Variants in KCNT2 observed in about 807,000 individuals in gnomAD.
KCNT2 encodes the protein potassium channel subfamily T member 2.
KCNT2 carries 67 observed loss-of-function variants against 153.8 expected under a neutral mutation model. That is an observed-to-expected ratio of 0.44 (90% CI 0.36 to 0.53). The LOEUF (loss-of-function observed/expected upper bound fraction) is 0.53, where lower values mean the gene tolerates loss of function less well. KCNT2 is among the 20% of genes least tolerant of loss of function. KCNT2 has a pLI of 0.00. For missense variants in KCNT2, 975 were observed against 1,354.8 expected (o/e 0.72, Z 4.40); for synonymous variants, 500 against 458.8 (o/e 1.09, Z -1.15).
chr1:196,301,398 G>GT (rs1417850144), intron 22 of KCNT2, among the ~76,000 whole-genome samples: 1 of 152,048 alleles, frequency 6.6e-6, no homozygotes, highest in Non-Finnish European at 1.5e-5. Flanking sequence ...CCTTTTGTGA[G>GT]TTTCAGCAAA....
chr1:196,581,367 T>TA (rs1159412018), intron 1 of KCNT2, among the ~76,000 whole-genome samples: 3 of 152,022 alleles, frequency 2.0e-5, no homozygotes. Context: ...ACCAGTTTAG[T>TA]AAAAAAAGTT....
At chr1:196,233,570 A>G (rs1435949866) in intron 27 of KCNT2, among the ~76,000 whole-genome samples, 1 of 151,490 alleles carries the variant, frequency 6.6e-6, no homozygotes, top group Admixed American at 6.6e-5. Context: ...ACAGAAAACT[A>G]GCTTATCTTC....
intron 13 of KCNT2, among the ~76,000 whole-genome samples, chr1:196,388,797 T>G (rs1670228155): frequency 6.6e-6 from 1 of 151,782 alleles, no homozygotes. Context: ...TTCATTACCA[T>G]TTTTAAAGAA....
intron 8 of KCNT2, among the ~76,000 whole-genome samples, chr1:196,457,142 AT>A (rs1370388506): frequency 6.6e-6 from 1 of 151,878 alleles, no homozygotes; most frequent in African/African-American, 2.4e-5. Context: ...GATAAAACTG[AT>A]TTAAAAGGAG....
chr1:196,460,231 A>T (rs917026398), intron 8 of KCNT2, among the ~76,000 whole-genome samples: 5 of 151,802 alleles, frequency 3.3e-5, no homozygotes, highest in Non-Finnish European at 7.4e-5. Flanking sequence ...AAGTTGCAAA[A>T]GTTTTACTAC....
At chr1:196,506,739 A>C (rs1218083174) in intron 1 of KCNT2, among the ~76,000 whole-genome samples, 1 of 152,162 alleles carries the variant, frequency 6.6e-6, no homozygotes, top group Non-Finnish European at 1.5e-5. Context: ...CTTACTCACT[A>C]AGTGAAGACA....
At chr1:196,517,769 G>A (rs1048126555) in intron 1 of KCNT2, among the ~76,000 whole-genome samples, 1 of 152,196 alleles carries the variant, frequency 6.6e-6, no homozygotes, top group Non-Finnish European at 1.5e-5. Flanking sequence ...ATGGGATTAT[G>A]TAAAGAGGCT....
At chr1:196,479,534 A>G (rs1437721731) in intron 4 of KCNT2, among the ~76,000 whole-genome samples, 1 of 152,194 alleles carries the variant, frequency 6.6e-6, no homozygotes, top group Non-Finnish European at 1.5e-5. Flanking sequence ...TGCAGTTTAC[A>G]TGATATATAA....
rs891613493 is a variant in KCNT2 at position 196,373,926 on chromosome 1, A to G, written c.1295-678T>C. Among the ~76,000 whole-genome samples the G allele has an allele frequency of 2.6e-5, 4 of 151,868 alleles. No individual in the cohort carries two copies. In the Admixed American group the frequency reaches 2.6e-4, roughly 10 times the overall value. On this transcript the variant is annotated intron_variant, in intron 13 of 27. Coordinates refer to ENST00000294725, the MANE Select transcript of KCNT2 (RefSeq NM_198503.5). ...AATGGCTGCTGAAATTCAATGACATAAAAATAATAGTGCTAGAAATGAGAG... is the reference window on the plus strand; with the variant it reads ...AATGGCTGCTGAAATTCAATGACATGAAAATAATAGTGCTAGAAATGAGAG...
At chr1:196,317,990 G>A (rs1372338068) in intron 20 of KCNT2, among the ~76,000 whole-genome samples, 1 of 150,956 alleles carries the variant, frequency 6.6e-6, no homozygotes. Flanking sequence ...ATTTACTACT[G>A]CATTTATTTT....
intron 18 of KCNT2, among the ~76,000 whole-genome samples, chr1:196,329,881 G>A (rs1297843516): frequency 2.3e-5 from 3 of 128,378 alleles, no homozygotes; most frequent in East Asian, 4.2e-4. Context: ...ACACTTATAT[G>A]TGTGTGTGTG....
intron 27 of KCNT2, among the ~76,000 whole-genome samples, chr1:196,235,785 A>C (rs1197774680): frequency 6.6e-6 from 1 of 151,356 alleles, no homozygotes; most frequent in Non-Finnish European, 1.5e-5. Flanking sequence ...CTATTTCTTT[A>C]TTTTATACTG....
chr1:196,550,719 T>C (rs1047179607), intron 1 of KCNT2, among the ~76,000 whole-genome samples: 2 of 151,800 alleles, frequency 1.3e-5, no homozygotes, highest in African/African-American at 2.4e-5. Context: ...CTTACTTCTG[T>C]TCCCTTTCTG....
intron 8 of KCNT2, among the ~76,000 whole-genome samples, chr1:196,462,163 C>A (rs1481807712): frequency 6.6e-6 from 1 of 151,598 alleles, no homozygotes; most frequent in Non-Finnish European, 1.5e-5. Flanking sequence ...TTTATCTTTA[C>A]AGAACAGTTA....
chr1:196,357,780 A>G (rs1667292125), intron 14 of KCNT2, among the ~76,000 whole-genome samples: 1 of 151,842 alleles, frequency 6.6e-6, no homozygotes, highest in Admixed American at 6.6e-5. Flanking sequence ...TGCAAGTTTA[A>G]CATAGAGAGT....
chr1:196,372,296 C>T (rs756517332), intron 14 of KCNT2, among the ~76,000 whole-genome samples: 1 of 151,784 alleles, frequency 6.6e-6, no homozygotes, highest in Non-Finnish European at 1.5e-5. Context: ...AAGAATTTTC[C>T]TTTTTCTGGA....
At chr1:196,557,651 CT>C (rs1658862801) in intron 1 of KCNT2, among the ~76,000 whole-genome samples, 1 of 150,988 alleles carries the variant, frequency 6.6e-6, no homozygotes, top group Non-Finnish European at 1.5e-5. Flanking sequence ...CAATGTTATT[CT>C]ATTTTACTTA....
intron 11 of KCNT2, among the ~76,000 whole-genome samples, chr1:196,424,082 T>C (rs1041575813): frequency 2.0e-5 from 3 of 151,948 alleles, no homozygotes; most frequent in African/African-American, 7.2e-5. Context: ...TTTTAGAGTA[T>C]GACCAGATAG....
At chr1:196,559,857 T>TTTA (rs1659153810) in intron 1 of KCNT2, among the ~76,000 whole-genome samples, 1 of 151,792 alleles carries the variant, frequency 6.6e-6, no homozygotes, top group Non-Finnish European at 1.5e-5. Flanking sequence ...CCCAGTGTAT[T>TTTA]ATCCATCTTT....
Sources: gnomAD v4.1 joint callset for allele counts (sites outside exome capture counted in the v4.1 genomes callset) on GRCh38, gnomAD v4.1.1 for gene constraint, MANE v1.5 for transcripts, NCBI Gene and HGNC (gene_info 2026-07-23, HGNC 2026-07-21) for gene names.